LONP1: variants seen among roughly 807,000 people sequenced by gnomAD.
LONP1 encodes the protein lon protease homolog, mitochondrial.
Under a neutral mutation model 98.5 loss-of-function variants are expected in LONP1, and 31 were observed. The ratio of observed to expected loss-of-function variants is 0.31; its 90% CI spans 0.24 to 0.42. The LOEUF is 0.42. Among genes scored for constraint, LONP1 ranks in the 20% least tolerant of loss-of-function variants. LONP1 has a pLI of 1.00. For synonymous variants in LONP1, 781 were observed against 594.7 expected (o/e 1.31, Z -4.56); for missense variants, 1,336 against 1,350.6 (o/e 0.99, Z 0.17).
In LONP1 at chr19:5,713,196, G is replaced by A; in HGVS notation, c.576C>T (p.Ala192=). The A allele has an allele frequency of 6.2e-7, 1 of 1,614,186 alleles. No individual in the cohort carries two copies. The highest frequency in any genetic ancestry group is 8.5e-7 in the Non-Finnish European group (1 of 1,180,042). ...CAAGGTCCTGCATCTCATGGATCTG[G>A]GCAAACGTCCCCGTGTGGTAGATTT... ...LDEIYHTGTF[A]QIHEMQDLGD... The change falls in exon 3 of 18, where the codon GCC becomes GCT. Residue 192 remains alanine, a synonymous_variant. Transcript: ENST00000360614.
intron 1 of LONP1, among the ~76,000 whole-genome samples, chr19:5,716,802 A>C (rs965975460): frequency 6.6e-6 from 1 of 151,504 alleles, no homozygotes; most frequent in Non-Finnish European, 1.5e-5. Context: ...GAGGGAAGCA[A>C]TTTTTTTTTA....
At chr19:5,707,562 G>T in intron 6 of LONP1, 135 bp downstream of exon 6, 2 of 869,780 alleles carry the variant, frequency 2.3e-6, no homozygotes, top group Non-Finnish European at 3.6e-6. Flanking sequence ...GGGTGTGGAT[G>T]GTGCACGGTG....
At chr19:5,696,903 C>G (rs897323034) in intron 10 of LONP1, 146 bp from the exon 11 acceptor site, 1 of 613,536 alleles carries the variant, frequency 1.6e-6, no homozygotes. Flanking sequence ...TGCTGGCAGC[C>G]GCCGGATGTG....
At chr19:5,696,980 A>G (rs992562406) in intron 10 of LONP1, among the ~76,000 whole-genome samples, 11 of 152,156 alleles carry the variant, frequency 7.2e-5, no homozygotes, top group Non-Finnish European at 1.6e-4. Flanking sequence ...TCACTGATTC[A>G]AAGCCAGATC....
At chr19:5,709,520 T>C (rs1293458293) in intron 4 of LONP1, among the ~76,000 whole-genome samples, 1 of 151,750 alleles carries the variant, frequency 6.6e-6, no homozygotes, top group Non-Finnish European at 1.5e-5. Context: ...CGTAATCACC[T>C]GGTCTCTAGT....
At chr19:5,706,393 G>C (rs1263988219) in intron 7 of LONP1, among the ~76,000 whole-genome samples, 1 of 152,164 alleles carries the variant, frequency 6.6e-6, no homozygotes, top group Non-Finnish European at 1.5e-5. Flanking sequence ...CGGATCACTT[G>C]AGGCCAGGAG....
At chr19:5,692,373 A>G in intron 17 of LONP1, 165 bp from the exon 18 acceptor site, 1 of 610,284 alleles carries the variant, frequency 1.6e-6, no homozygotes, top group Non-Finnish European at 2.7e-6. Flanking sequence ...CCCACGGGGA[A>G]ACAGGCTCAA....
intron 4 of LONP1, among the ~76,000 whole-genome samples, chr19:5,709,446 A>G (rs1489476926): frequency 1.3e-5 from 2 of 151,946 alleles, no homozygotes; most frequent in East Asian, 3.8e-4. Context: ...GGTTGCCATG[A>G]GCCAAGATTG....
intron 8 of LONP1, among the ~76,000 whole-genome samples, chr19:5,704,949 T>C (rs2055119663): frequency 6.6e-6 from 1 of 151,840 alleles, no homozygotes; most frequent in Non-Finnish European, 1.5e-5. Flanking sequence ...TCCCTTGAGG[T>C]CAGGAGTTTG....
At chr19:5,694,643 G>A (rs1029711041) in intron 14 of LONP1, 91 bp from the exon 15 acceptor site, 40 of 1,565,390 alleles carry the variant, frequency 2.6e-5, no homozygotes, top group East Asian at 1.8e-4. Context: ...TGTGACGGGC[G>A]CGGGGTGGTG....
At chr19:5,694,255 A>G (rs2054883335) in intron 15 of LONP1, 132 bp downstream of exon 15, 3 of 1,240,540 alleles carry the variant, frequency 2.4e-6, no homozygotes, top group East Asian at 2.5e-5. Context: ...CTGGGCTCCC[A>G]GCACACCACC....
intron 17 of LONP1, among the ~76,000 whole-genome samples, chr19:5,692,599 C>T (rs2054847367): frequency 2.0e-5 from 3 of 152,134 alleles, no homozygotes; most frequent in Admixed American, 1.3e-4. Flanking sequence ...CCTGCGTCAC[C>T]CCCCTCACCT....
rs767351728 is a variant in LONP1 at position 5,696,639 on chromosome 19, T to G, written c.1773+31A>C. 1.8e-5 allele frequency: 29 copies of G among 1,599,178 alleles called. No individual in the cohort carries two copies. The Admixed American group carries it at 2.5e-4, about 14-fold the overall frequency. ...TCATCTTGCACACGGCATTGCCGGG[T>G]TAGGGGGTCTCCGGGCCTCTCCGCA... is the stretch of plus-strand genomic sequence containing the variant. On this transcript the variant is annotated intron_variant, in intron 11 of 17. Coordinates refer to ENST00000360614, the MANE Select transcript of LONP1 (RefSeq NM_004793.4).
intron 4 of LONP1, among the ~76,000 whole-genome samples, chr19:5,709,340 A>T (rs1342166547): frequency 6.6e-6 from 1 of 151,734 alleles, no homozygotes; most frequent in African/African-American, 2.4e-5. Flanking sequence ...AATACCAAAA[A>T]AAAAAAAAAA....
In LONP1 at chr19:5,693,478, G is replaced by A. The variant is rs370849062; in HGVS notation, c.2539-16C>T. The A allele has an allele frequency of 3.1e-6, 5 of 1,611,314 alleles. No individual in the cohort carries two copies. Among genetic ancestry groups the A allele is most frequent in the Non-Finnish European group, 4.2e-6 (5 of 1,178,210 alleles). ...GGGTGGCGCCCTGTGGAGGCATGTG[G>A]GGATAGTGGGTGAGCAGGTGGCCAG... On this transcript the variant is annotated splice_polypyrimidine_tract_variant and intron_variant, in intron 16 of 17. Transcript: ENST00000360614.
intron 8 of LONP1, among the ~76,000 whole-genome samples, chr19:5,702,257 G>GT (rs2055064971): frequency 7.5e-6 from 1 of 133,240 alleles, no homozygotes; most frequent in South Asian, 2.4e-4. Context: ...GAGGTTGGGG[G>GT]GGGGGTCAGC....
At chr19:5,716,204 T>C (rs2055314843) in intron 1 of LONP1, among the ~76,000 whole-genome samples, 1 of 147,476 alleles carries the variant, frequency 6.8e-6, no homozygotes, top group East Asian at 2.0e-4. Flanking sequence ...AGACCCCATC[T>C]CTATTTTCTT....
chr19:5,708,253 AG>A, intron 5 of LONP1, 88 bp downstream of exon 5: 1 of 1,318,816 alleles, frequency 7.6e-7, no homozygotes, highest in Non-Finnish European at 1.1e-6. Flanking sequence ...TCCTCCCAGG[AG>A]GACGCTGAGG....
At position 5,693,599 on chromosome 19, in the gene LONP1, C is replaced by T. The variant is rs141916070; in HGVS notation, c.2491G>A (p.Ala831Thr). Reference sequence around the variant, plus strand: ...TGTGAGGTCACCAGGTAGTCATTGGCGGGGGCGTGCTGCATGAGGAAGGCT... The same window carrying T: ...TGTGAGGTCACCAGGTAGTCATTGGTGGGGGCGTGCTGCATGAGGAAGGCT... ...ARAFLMQHAP[A>T]NDYLVTSHIH... The change falls in exon 16 of 18, where the codon GCC becomes ACC. Residue 831 changes from alanine to threonine, a missense_variant. Transcript: ENST00000360614. 59 of 1,614,030 alleles carry T rather than the reference C, an allele frequency of 3.7e-5. No individual in the cohort carries two copies. The African/African-American group carries it at 7.5e-4, about 20-fold the overall frequency.
Sources: gnomAD v4.1 joint callset for allele counts (sites outside exome capture counted in the v4.1 genomes callset) on GRCh38, gnomAD v4.1.1 for gene constraint, MANE v1.5 for transcripts, NCBI Gene and HGNC (gene_info 2026-07-23, HGNC 2026-07-21) for gene names.